MN1: variants seen among roughly 807,000 people sequenced by gnomAD.
MN1 encodes MN1 proto-oncogene, transcriptional regulator.
In MN1, 19 loss-of-function variants were observed where a neutral mutation model predicts 86.9. The observed-to-expected ratio is 0.22, with a 90% confidence interval of 0.15 to 0.32. The LOEUF (loss-of-function observed/expected upper bound fraction) is 0.32, where lower values mean the gene tolerates loss of function less well. Ranked by LOEUF, MN1 falls within the 10% of genes least tolerant of loss-of-function variation. The pLI is 1.00. For missense variants in MN1, 1,841 were observed against 1,862.0 expected (o/e 0.99, Z 0.21); for synonymous variants, 928 against 849.6 (o/e 1.09, Z -1.60).
chr22:27,769,784 G>A (rs937793924), intron 1 of MN1, among the ~76,000 whole-genome samples: 2 of 151,640 alleles, frequency 1.3e-5, no homozygotes, highest in Non-Finnish European at 2.9e-5. Context: ...TCGATCTCCT[G>A]ACCTCGTGAT....
intron 1 of MN1, among the ~76,000 whole-genome samples, chr22:27,768,034 A>G (rs1601328073): frequency 6.6e-6 from 1 of 152,110 alleles, no homozygotes; most frequent in South Asian, 2.1e-4. Flanking sequence ...GGATGAAGCC[A>G]TATCAGTTTC....
intron 1 of MN1, among the ~76,000 whole-genome samples, chr22:27,795,058 T>A (rs1292303156): frequency 2.5e-5 from 3 of 120,514 alleles, no homozygotes; most frequent in African/African-American, 9.5e-5. Context: ...AACTCGATTT[T>A]AAAAAGGGGG....
rs775728511 is a variant in MN1 at position 27,798,361 on chromosome 22, C to T, written c.2183G>A (p.Arg728His). The T allele has an allele frequency of 1.3e-6, 2 of 1,500,136 alleles. No homozygotes were observed. The highest frequency in any genetic ancestry group is 2.2e-5 in the Admixed American group (1 of 44,584). 92.9% of individuals were successfully genotyped at this position (1,500,136 alleles called of 1,614,324 possible). A position where few individuals can be genotyped will look rare whatever the true frequency, so the allele number is the denominator to read the frequency against. Residue 728 changes from arginine to histidine, a missense_variant, in exon 1 of 2, where the codon CGC becomes CAC. By Grantham distance (29) the Arg-to-His change is conservative. Coordinates refer to ENST00000302326, the MANE Select transcript of MN1 (RefSeq NM_002430.3). ...GVGLPSAASE[R>H]RPPPPDFATS... ...AGCAAAGTCCGGCGGCGGGGGCCGGCGCTCCGAAGCAGCGCTGGGGAGCCC... is the reference window on the plus strand; with the variant it reads ...AGCAAAGTCCGGCGGCGGGGGCCGGTGCTCCGAAGCAGCGCTGGGGAGCCC...
chr22:27,793,898 C>T (rs1006969240), intron 1 of MN1, among the ~76,000 whole-genome samples: 2 of 152,054 alleles, frequency 1.3e-5, no homozygotes, highest in African/African-American at 2.4e-5. Context: ...ATTTCAGAAA[C>T]GGTGTTAATA....
chr22:27,798,284 G>C lies in MN1; in HGVS notation c.2260C>G (p.Gln754Glu). 1 of 1,526,506 alleles carries C rather than the reference G, an allele frequency of 6.6e-7. No homozygotes were observed. The highest frequency in any genetic ancestry group is 8.7e-7 in the Non-Finnish European group (1 of 1,147,258). 94.6% of individuals were successfully genotyped at this position (1,526,506 alleles called of 1,614,324 possible). The stretch of plus-strand genomic sequence containing the variant: ...CCTGGACCGCTGTGCGGCGTGGACT[G>C]CCGGCCGGCTGCACCAAACGGAAAG... ...PGFPFGAAGR[Q>E]STPHSGPGVN... The change falls in exon 1 of 2, where the codon CAG becomes GAG. Residue 754 changes from glutamine (Q) to glutamate (E), a missense_variant. Transcript: ENST00000302326.
At chr22:27,752,461 G>C (rs1932774309) in intron 1 of MN1, among the ~76,000 whole-genome samples, 1 of 152,108 alleles carries the variant, frequency 6.6e-6, no homozygotes, top group South Asian at 2.1e-4. Flanking sequence ...AAACTCCCCT[G>C]AACCCTCTTT....
chr22:27,776,781 C>T (rs759628372), intron 1 of MN1, among the ~76,000 whole-genome samples: 11 of 152,158 alleles, frequency 7.2e-5, no homozygotes, highest in Non-Finnish European at 1.3e-4. Context: ...CCAGACAAAA[C>T]GACTGCAGGC....
At chr22:27,775,838 G>A (rs566446671) in intron 1 of MN1, among the ~76,000 whole-genome samples, 5 of 152,280 alleles carry the variant, frequency 3.3e-5, no homozygotes, top group East Asian at 1.9e-4. Flanking sequence ...CTCTCTCCCC[G>A]AATGGAATGG....
At chr22:27,772,101 C>T (rs969099505) in intron 1 of MN1, among the ~76,000 whole-genome samples, 3 of 152,168 alleles carry the variant, frequency 2.0e-5, no homozygotes, top group African/African-American at 4.8e-5. Context: ...TCCTCCTGCC[C>T]GGCCCTCCCT....
Position 27,800,345 on chromosome 22 carries a change from G to C in MN1, c.199C>G (p.Pro67Ala). 6.2e-7 allele frequency: 1 copy of C among 1,602,952 alleles called. No individual in the cohort carries two copies. The highest frequency in any genetic ancestry group is 8.5e-7 in the Non-Finnish European group (1 of 1,174,080). Residue 67 changes from proline (P) to alanine (A), a missense_variant, in exon 1 of 2, where the codon CCC becomes GCC. Coordinates refer to ENST00000302326, the MANE Select transcript of MN1 (RefSeq NM_002430.3). ...EPPILGMNME[P>A]YGFHARGHSE... ...TGGCCGCGCGCGTGGAAGCCGTAGG[G>C]CTCCATGTTCATGCCCAAGATCGGG...
intron 1 of MN1, among the ~76,000 whole-genome samples, chr22:27,771,511 G>A (rs1396037987): frequency 6.6e-6 from 1 of 152,032 alleles, no homozygotes; most frequent in Non-Finnish European, 1.5e-5. Flanking sequence ...ATAAGCGTGA[G>A]CCGCCACCCT....
intron 1 of MN1, among the ~76,000 whole-genome samples, chr22:27,774,388 TCC>T (rs1932949977): frequency 6.6e-6 from 1 of 152,054 alleles, no homozygotes; most frequent in African/African-American, 2.4e-5. Flanking sequence ...TGGCATTTCC[TCC>T]CCACCAGAGG....
At chr22:27,776,629 C>A (rs1350962324) in intron 1 of MN1, among the ~76,000 whole-genome samples, 1 of 151,810 alleles carries the variant, frequency 6.6e-6, no homozygotes, top group East Asian at 1.9e-4. Context: ...TCTTGAAATT[C>A]AGTGGTTCTG....
chr22:27,755,381 C>T (rs535317888), intron 1 of MN1, among the ~76,000 whole-genome samples: 39 of 152,300 alleles, frequency 2.6e-4, no homozygotes, highest in African/African-American at 8.7e-4. Flanking sequence ...GTGCCTCACC[C>T]GATTCAGGCA....
intron 1 of MN1, among the ~76,000 whole-genome samples, chr22:27,766,125 G>A (rs529667486): frequency 6.6e-6 from 1 of 152,298 alleles, no homozygotes; most frequent in African/African-American, 2.4e-5. Flanking sequence ...GTGATTTCAG[G>A]TGCAGCACTT....
chr22:27,768,248 G>C (rs1245269181), intron 1 of MN1, among the ~76,000 whole-genome samples: 1 of 152,178 alleles, frequency 6.6e-6, no homozygotes, highest in African/African-American at 2.4e-5. Flanking sequence ...GAGGGTGAGA[G>C]ATGGGCATAC....
chr22:27,798,168 C>A lies in MN1; in HGVS notation c.2376G>T (p.Gln792His). ...GGAYPPQPDF[Q>H]PSQRTSASKL... Reference sequence around the variant, plus strand: ...TACTGGCCGAGGTGCGCTGGCTGGGCTGGAAATCAGGCTGCGGCGGGTAGG... The same window carrying A: ...TACTGGCCGAGGTGCGCTGGCTGGGATGGAAATCAGGCTGCGGCGGGTAGG... The change falls in exon 1 of 2, where the codon CAG (glutamine) becomes CAT (histidine). Residue 792 changes from glutamine to histidine, a missense_variant. Transcript: ENST00000302326. The A allele has an allele frequency of 6.3e-7, 1 of 1,581,212 alleles. No homozygotes were observed. Among genetic ancestry groups the A allele is most frequent in the Non-Finnish European group, 8.6e-7 (1 of 1,169,542 alleles).
chr22:27,756,213 T>C lies in MN1; in HGVS notation c.3782-5117A>G, dbSNP rs45553531. 1.6e-3 allele frequency among the ~76,000 whole-genome samples: 250 copies of C among 152,294 alleles called. 4 individuals carry two copies. Among genetic ancestry groups the C allele is most frequent in the Admixed American group, 0.014 (214 of 15,308 alleles). ...AGAGGGGACGTTTACCTGGGGATGTTGCATTTTAAATTTTGCTTCTAGAGA... is the reference window on the plus strand; with the variant it reads ...AGAGGGGACGTTTACCTGGGGATGTCGCATTTTAAATTTTGCTTCTAGAGA... On this transcript the variant is annotated intron_variant, in intron 1 of 1. Transcript: ENST00000302326.
chr22:27,769,432 C>T (rs1932895910), intron 1 of MN1, among the ~76,000 whole-genome samples: 1 of 151,946 alleles, frequency 6.6e-6, no homozygotes, highest in Non-Finnish European at 1.5e-5. Context: ...CAGCATGTTT[C>T]CCCCATTAAA....
Sources: gnomAD v4.1 joint callset for allele counts (sites outside exome capture counted in the v4.1 genomes callset) on GRCh38, gnomAD v4.1.1 for gene constraint, MANE v1.5 for transcripts, NCBI Gene and HGNC (gene_info 2026-07-23, HGNC 2026-07-21) for gene names.